TNFSF11: variants seen among roughly 807,000 people sequenced by gnomAD.
TNFSF11 encodes the protein tumor necrosis factor ligand superfamily member 11.
In TNFSF11, 12 loss-of-function variants were observed where a neutral mutation model predicts 32.2. The observed-to-expected ratio is 0.37, with a 90% CI of 0.24 to 0.60. The LOEUF is 0.60. TNFSF11 is among the 20% of genes least tolerant of loss of function. TNFSF11 has a pLI of 0.66. For missense variants in TNFSF11, 345 were observed against 398.0 expected, an observed-to-expected ratio of 0.87 and a Z score of 1.13; for synonymous variants, 172 against 152.1, an observed-to-expected ratio of 1.13 and a Z score of -0.96.
Position 42,574,185 on chromosome 13 carries a change from C to G in TNFSF11, c.-119C>G, listed in dbSNP as rs2137851744. 1 of 1,387,730 alleles carries G rather than the reference C, an allele frequency of 7.2e-7. No individual in the cohort carries two copies. The highest frequency in any genetic ancestry group is 1.3e-5 in the South Asian group (1 of 79,928). The allele number at this position is 1,387,730 out of a possible 1,614,324, so 86.0% of individuals were successfully genotyped here. ...GCCCGCGCGCCCCAGGACCCAAAGC[C>G]GGGCTCCAAGTCGGCGCCCCACGTC... On this transcript the variant is annotated 5_prime_UTR_variant, in exon 1 of 5. Coordinates refer to ENST00000398795, the MANE Select transcript of TNFSF11 (RefSeq NM_003701.4).
chr13:42,574,403 C>T lies in TNFSF11; in HGVS notation c.100C>T (p.Pro34Ser), dbSNP rs1873201734. The change falls in exon 1 of 5, where the codon CCG becomes TCG. Residue 34 changes from proline (P) to serine (S), a missense_variant. By Grantham distance (74) the Pro-to-Ser change is moderately conservative. Around this residue, in one of 2 missense-constraint regions of TNFSF11, gnomAD observed 197 missense variants for 182.0 expected, o/e 1.08. Coordinates refer to ENST00000398795, the MANE Select transcript of TNFSF11 (RefSeq NM_003701.4). ...APHEGPLHAP[P>S]PPAPHQPPAA... ...GCACGAGGGCCCCCTGCACGCCCCGCCGCCGCCTGCGCCGCACCAGCCCCC... is the reference window on the plus strand; with the variant it reads ...GCACGAGGGCCCCCTGCACGCCCCGTCGCCGCCTGCGCCGCACCAGCCCCC... 1 of 1,559,398 alleles carries T rather than the reference C, an allele frequency of 6.4e-7. No individual in the cohort carries two copies. The highest frequency in any genetic ancestry group is 1.2e-5 in the South Asian group (1 of 85,258).
At chr13:42,598,912 G>A (rs369078279) in intron 2 of TNFSF11, among the ~76,000 whole-genome samples, 5 of 152,290 alleles carry the variant, frequency 3.3e-5, no homozygotes, top group African/African-American at 1.2e-4. Flanking sequence ...AGAACCCGGA[G>A]GTCTTGAGGA....
intron 2 of TNFSF11, among the ~76,000 whole-genome samples, chr13:42,598,558 A>G (rs955373543): frequency 2.6e-5 from 4 of 152,156 alleles, no homozygotes; most frequent in Non-Finnish European, 4.4e-5. Flanking sequence ...TCCCTGTTAC[A>G]TGTCAGACCC....
At chr13:42,604,708 A>T (rs1220357780) in intron 4 of TNFSF11, among the ~76,000 whole-genome samples, 1 of 152,164 alleles carries the variant, frequency 6.6e-6, no homozygotes, top group Non-Finnish European at 1.5e-5. Flanking sequence ...CTAGAGAAGG[A>T]TGTAGATGTT....
chr13:42,602,296 G>A (rs1008498901), intron 4 of TNFSF11, among the ~76,000 whole-genome samples: 2 of 152,188 alleles, frequency 1.3e-5, no homozygotes, highest in African/African-American at 4.8e-5. Flanking sequence ...ACATTCTTGT[G>A]TGGAAGAACG....
intron 2 of TNFSF11, among the ~76,000 whole-genome samples, chr13:42,588,110 C>T (rs753049193): frequency 6.6e-6 from 1 of 152,230 alleles, no homozygotes; most frequent in Non-Finnish European, 1.5e-5. Flanking sequence ...AGGATTTCAT[C>T]TCTGTTTGCC....
intron 2 of TNFSF11, among the ~76,000 whole-genome samples, chr13:42,590,044 C>G (rs1350733049): frequency 6.6e-6 from 1 of 152,254 alleles, no homozygotes; most frequent in Non-Finnish European, 1.5e-5. Context: ...CTTGTAACAG[C>G]AGTAACCACA....
At chr13:42,576,403 C>T (rs1873317103) in intron 1 of TNFSF11, among the ~76,000 whole-genome samples, 1 of 151,966 alleles carries the variant, frequency 6.6e-6, no homozygotes, top group African/African-American at 2.4e-5. Context: ...CTCCCATCAT[C>T]CTTTAGCAGT....
At chr13:42,591,641 C>T (rs1372246962) in intron 2 of TNFSF11, among the ~76,000 whole-genome samples, 2 of 152,172 alleles carry the variant, frequency 1.3e-5, no homozygotes, top group African/African-American at 4.8e-5. Flanking sequence ...CCAGCTCCAT[C>T]CAGGTGCATA....
At position 42,576,425 on chromosome 13, in the gene TNFSF11, A is replaced by G. The variant is rs1873318553; in HGVS notation, c.219+1903A>G. ...CATCCTTTAGCAGTCTTGATGCTGT[A>G]TGGATGATAGTGAAACATTCAGAAC... On this transcript the variant is annotated intron_variant, in intron 1 of 4. Transcript: ENST00000398795. Among the ~76,000 whole-genome samples, 4 of 152,242 alleles carry G rather than the reference A, an allele frequency of 2.6e-5. No homozygotes were observed. The South Asian group carries it at 8.3e-4, about 32-fold the overall frequency.
Position 42,582,661 on chromosome 13 carries a change from G to A in TNFSF11, c.387+1368G>A, listed in dbSNP as rs190614696. Among the ~76,000 whole-genome samples the A allele has an allele frequency of 1.2e-3, 178 of 152,302 alleles. 1 individual carries two copies. Among genetic ancestry groups the A allele is most frequent in the African/African-American group, 4.1e-3 (170 of 41,568 alleles). ...GAAAATTACTTTTTCATTATCATTAGTGTGTAGGTGTTTGGCTTCACGCAG... is the reference window on the plus strand; with the variant it reads ...GAAAATTACTTTTTCATTATCATTAATGTGTAGGTGTTTGGCTTCACGCAG... On this transcript the variant is annotated intron_variant, in intron 2 of 4. Coordinates refer to ENST00000398795, the MANE Select transcript of TNFSF11 (RefSeq NM_003701.4).
chr13:42,596,983 C>G (rs1002227830), intron 2 of TNFSF11, among the ~76,000 whole-genome samples: 2 of 152,256 alleles, frequency 1.3e-5, no homozygotes, highest in African/African-American at 4.8e-5. Flanking sequence ...AGGTCCCTCA[C>G]TGGAATGCAT....
chr13:42,587,280 T>G lies in TNFSF11; in HGVS notation c.387+5987T>G, dbSNP rs1340840489. ...TGGAAGTTACTCATAAACCACATCTTGCTGCAAGGGAGACTGGACAAGGTA... is the reference window on the plus strand; with the variant it reads ...TGGAAGTTACTCATAAACCACATCTGGCTGCAAGGGAGACTGGACAAGGTA... On this transcript the variant is annotated intron_variant, in intron 2 of 4. Coordinates refer to ENST00000398795, the MANE Select transcript of TNFSF11 (RefSeq NM_003701.4). Among the ~76,000 whole-genome samples, 4 of 152,196 alleles carry G rather than the reference T, an allele frequency of 2.6e-5. No homozygotes were observed. In the East Asian group the frequency reaches 7.7e-4, roughly 29 times the overall value.
intron 2 of TNFSF11, among the ~76,000 whole-genome samples, chr13:42,589,250 C>A (rs778383117): frequency 2.0e-5 from 3 of 152,136 alleles, no homozygotes; most frequent in Non-Finnish European, 4.4e-5. Context: ...TCCTTTTATT[C>A]ACCCACTCTT....
chr13:42,603,518 T>C (rs1869287052), intron 4 of TNFSF11, among the ~76,000 whole-genome samples: 1 of 152,198 alleles, frequency 6.6e-6, no homozygotes. Flanking sequence ...ACTGACTGGC[T>C]CTCCTCCTTT....
intron 1 of TNFSF11, among the ~76,000 whole-genome samples, chr13:42,565,092 T>C (rs1872822303): frequency 6.6e-6 from 1 of 152,234 alleles, no homozygotes; most frequent in Non-Finnish European, 1.5e-5. Context: ...GTGTTTATGC[T>C]TGACAAATGT....
chr13:42,599,349 C>CTATCTATTATCT (rs11385072), intron 2 of TNFSF11, among the ~76,000 whole-genome samples: 3 of 112,186 alleles, frequency 2.7e-5, no homozygotes, highest in African/African-American at 1.1e-4. Context: ...ATCTATCTAT[C>CTATCTATTATCT]ATCTATCTAT....
chr13:42,575,346 ATAT>A lies in TNFSF11; in HGVS notation c.219+828_219+830del, dbSNP rs1873258995. Among the ~76,000 whole-genome samples the A allele has an allele frequency of 2.6e-5, 4 of 152,290 alleles. No homozygotes were observed. In the South Asian group the frequency reaches 8.3e-4, roughly 32 times the overall value. ...GTAGGAAGGAAGGGGTAAATTTGTA[ATAT>A]TATGCTTTCTGGTGGTTTATGCTCT... is the stretch of plus-strand genomic sequence containing the variant. On this transcript the variant is annotated intron_variant, in intron 1 of 4. Coordinates refer to ENST00000398795, the MANE Select transcript of TNFSF11 (RefSeq NM_003701.4).
chr13:42,564,996 T>C (rs886641594), intron 1 of TNFSF11, among the ~76,000 whole-genome samples: 1 of 152,156 alleles, frequency 6.6e-6, no homozygotes, highest in Non-Finnish European at 1.5e-5. Context: ...TTGGAGAAAA[T>C]AGTTGGGCAT....
Sources: gnomAD v4.1 joint callset for allele counts (sites outside exome capture counted in the v4.1 genomes callset) on GRCh38, gnomAD v4.1.1 for gene constraint, gnomAD v4.1.1 regional missense constraint, MANE v1.5 for transcripts, NCBI Gene and HGNC (gene_info 2026-07-23, HGNC 2026-07-21) for gene names.